Variants in DSCAML1 observed in about 807,000 individuals in gnomAD.
The protein encoded by DSCAML1 is DS cell adhesion molecule like 1, also known as cell adhesion molecule DSCAML1.
DSCAML1 carries 38 observed loss-of-function variants against 200.5 expected under a neutral mutation model. The observed-to-expected ratio is 0.19, with a 90% CI of 0.15 to 0.25. The LOEUF (loss-of-function observed/expected upper bound fraction) is 0.25, where lower values mean the gene tolerates loss of function less well. Ranked by LOEUF, DSCAML1 falls within the 10% of genes least tolerant of loss-of-function variation. The probability of loss-of-function intolerance (pLI) is 1.00; values close to 1 mark genes in which losing one functional copy is unlikely to be tolerated. For synonymous variants in DSCAML1, 1,215 were observed against 1,165.0 expected (o/e 1.04, Z -0.87); for missense variants, 2,223 against 2,858.8 (o/e 0.78, Z 5.07).
intron 20 of DSCAML1, among the ~76,000 whole-genome samples, chr11:117,449,203 G>A (rs1013925783): frequency 6.6e-6 from 1 of 152,212 alleles, no homozygotes; most frequent in Non-Finnish European, 1.5e-5. Flanking sequence ...CCTGGGAGGA[G>A]GGGCAGGCGG....
chr11:117,706,553 G>A (rs865897014), intron 3 of DSCAML1, among the ~76,000 whole-genome samples: 3 of 152,184 alleles, frequency 2.0e-5, no homozygotes, highest in African/African-American at 4.8e-5. Flanking sequence ...GTTCTGGGCC[G>A]GATTGACTTT....
chr11:117,770,783 T>A (rs2055024082), intron 3 of DSCAML1, among the ~76,000 whole-genome samples: 1 of 152,182 alleles, frequency 6.6e-6, no homozygotes, highest in Admixed American at 6.5e-5. Context: ...TCTGGGTGAC[T>A]TTTAAATCCA....
chr11:117,729,921 C>T (rs1483536507), intron 3 of DSCAML1, among the ~76,000 whole-genome samples: 1 of 152,250 alleles, frequency 6.6e-6, no homozygotes, highest in Non-Finnish European at 1.5e-5. Flanking sequence ...GGGAGTCAGG[C>T]CGGGCGCAGT....
At chr11:117,512,687 T>G (rs73008498) in intron 8 of DSCAML1, among the ~76,000 whole-genome samples, 1 of 44,694 alleles carries the variant, frequency 2.2e-5, no homozygotes, top group African/African-American at 8.4e-5. Context: ...CACACACACA[T>G]GCCTGCTATG....
chr11:117,769,563 A>ATATATATTATATATTTTT (rs2055001984), intron 3 of DSCAML1, among the ~76,000 whole-genome samples: 1 of 115,850 alleles, frequency 8.6e-6, no homozygotes, highest in African/African-American at 3.5e-5. Context: ...TATATATTTT[A>ATATATATTATATATTTTT]TATATATTAT....
intron 3 of DSCAML1, among the ~76,000 whole-genome samples, chr11:117,609,552 T>C: frequency 6.6e-6 from 1 of 152,092 alleles, no homozygotes; most frequent in East Asian, 1.9e-4. Context: ...AGCAATCCTC[T>C]TGCGTCGGCC....
intron 3 of DSCAML1, among the ~76,000 whole-genome samples, chr11:117,641,900 G>A (rs1379628425): frequency 3.3e-5 from 5 of 152,074 alleles, no homozygotes; most frequent in Admixed American, 2.6e-4. Context: ...TATTGAGTCC[G>A]TCTTACCCAC....
chr11:117,790,053 G>T (rs1024695809), intron 1 of DSCAML1, among the ~76,000 whole-genome samples: 1 of 152,156 alleles, frequency 6.6e-6, no homozygotes, highest in Non-Finnish European at 1.5e-5. Flanking sequence ...CACCCCCAAC[G>T]CAGGGGTCCT....
intron 11 of DSCAML1, among the ~76,000 whole-genome samples, chr11:117,501,664 G>T (rs1565744046): frequency 6.6e-6 from 1 of 152,120 alleles, no homozygotes; most frequent in Non-Finnish European, 1.5e-5. Flanking sequence ...GTGAGAGGGA[G>T]TGTGTGTGTG....
intron 3 of DSCAML1, among the ~76,000 whole-genome samples, chr11:117,544,169 T>TG (rs2137374258): frequency 6.6e-6 from 1 of 152,316 alleles, no homozygotes; most frequent in African/African-American, 2.4e-5. Flanking sequence ...GTCTGTTTCC[T>TG]GGGGTAGCTT....
intron 3 of DSCAML1, among the ~76,000 whole-genome samples, chr11:117,650,518 G>A (rs2052608265): frequency 6.6e-6 from 1 of 152,210 alleles, no homozygotes; most frequent in South Asian, 2.1e-4. Context: ...AAAGTCAGAA[G>A]AGATCACACG....
upstream of DSCAML1, among the ~76,000 whole-genome samples, chr11:117,797,555 C>T (rs946265678): frequency 6.6e-6 from 1 of 152,220 alleles, no homozygotes; most frequent in South Asian, 2.1e-4. Context: ...ACCTGGGACA[C>T]GAGCTTCCTG....
chr11:117,480,471 G>A lies in DSCAML1; in HGVS notation c.2757C>T (p.Gly919=), dbSNP rs1231834206. The change falls in exon 14 of 33, where the codon GGC becomes GGT. Residue 919 remains glycine (G), a synonymous_variant. Coordinates refer to ENST00000651296, the MANE Select transcript of DSCAML1 (RefSeq NM_020693.4). The surrounding 1 kb of genome is among the most constrained non-coding windows in gnomAD (Gnocchi z 4.1). ...QRFDGNSIIT[G]FDIEYKNKSD... ...ATTTGTTCTTGTATTCAATGTCGAAGCCCGTGATGATGCTGTTCCCGTCGA... is the reference window on the plus strand; with the variant it reads ...ATTTGTTCTTGTATTCAATGTCGAAACCCGTGATGATGCTGTTCCCGTCGA... 5.0e-6 allele frequency: 8 copies of A among 1,613,606 alleles called. No individual in the cohort carries two copies. The South Asian group carries it at 8.8e-5, about 18-fold the overall frequency.
intron 3 of DSCAML1, among the ~76,000 whole-genome samples, chr11:117,723,422 C>T (rs1367648217): frequency 6.6e-6 from 1 of 152,164 alleles, no homozygotes; most frequent in Non-Finnish European, 1.5e-5. Context: ...AGCTTGTGTA[C>T]AAGGATTGCC....
chr11:117,576,491 A>G (rs1235360794), intron 3 of DSCAML1, among the ~76,000 whole-genome samples: 1 of 152,184 alleles, frequency 6.6e-6, no homozygotes, highest in Non-Finnish European at 1.5e-5. Flanking sequence ...CTTTACCAAC[A>G]TCTTCATTGC....
chr11:117,516,594 C>G lies in DSCAML1; in HGVS notation c.1656G>C (p.Val552=), dbSNP rs771423798. The G allele has an allele frequency of 7.4e-6, 12 of 1,613,986 alleles. No homozygotes were observed. The African/African-American group carries it at 1.5e-4, about 20-fold the overall frequency. ...ALLLPDNHRQ[V]VFENGTLKLT... The stretch of plus-strand genomic sequence containing the variant: ...GCTTGAGGGTCCCATTCTCAAACAC[C>G]ACCTGGCGGTGGTTGTCTGGCAGCA... The change falls in exon 8 of 33, where the codon GTG becomes GTC. Residue 552 remains valine, a synonymous_variant. Coordinates refer to ENST00000651296, the MANE Select transcript of DSCAML1 (RefSeq NM_020693.4). This position sits in a 1 kb window ranked among gnomAD's most constrained non-coding sequence, Gnocchi z 5.7.
At chr11:117,519,751 T>C (rs1456116786) in intron 6 of DSCAML1, among the ~76,000 whole-genome samples, 1 of 152,164 alleles carries the variant, frequency 6.6e-6, no homozygotes, top group African/African-American at 2.4e-5. Context: ...ACTCAGGAGT[T>C]TGAGGCCGCA....
chr11:117,624,627 C>T (rs1196175577), intron 3 of DSCAML1, among the ~76,000 whole-genome samples: 1 of 152,006 alleles, frequency 6.6e-6, no homozygotes, highest in African/African-American at 2.4e-5. Context: ...GAAGTCATCA[C>T]CTGGCCCTTT....
At chr11:117,749,398 A>C (rs1372585975) in intron 3 of DSCAML1, among the ~76,000 whole-genome samples, 1 of 152,224 alleles carries the variant, frequency 6.6e-6, no homozygotes, top group Non-Finnish European at 1.5e-5. Context: ...GTGAAGGCCA[A>C]CGCTATTGAC....
Sources: allele counts gnomAD v4.1 joint callset (sites outside exome capture counted in the v4.1 genomes callset), GRCh38; gene constraint gnomAD v4.1.1; non-coding constraint Gnocchi (gnomAD v3.1); transcripts MANE v1.5; gene names NCBI Gene and HGNC (gene_info 2026-07-23, HGNC 2026-07-21).